ARSB: variants seen among roughly 807,000 people sequenced by gnomAD.
The protein encoded by ARSB is arylsulfatase B, also known as N-acetylgalactosamine-4-sulfatase.
ARSB carries 41 observed loss-of-function variants against 50.9 expected under a neutral mutation model. The ratio of observed to expected loss-of-function variants is 0.81; its 90% CI spans 0.63 to 1.04. The LOEUF is 1.04. Among genes scored for constraint, ARSB ranks in the 50% least tolerant of loss-of-function variants. The probability of loss-of-function intolerance (pLI) is 0.00; values close to 1 mark genes in which losing one functional copy is unlikely to be tolerated. For synonymous variants in ARSB, 269 were observed against 284.8 expected, an observed-to-expected ratio of 0.94 and a Z score of 0.56; for missense variants, 672 against 693.3, an observed-to-expected ratio of 0.97 and a Z score of 0.35.
intron 1 of ARSB, among the ~76,000 whole-genome samples, chr5:78,982,287 T>C (rs1003636152): frequency 7.9e-5 from 12 of 152,246 alleles, no homozygotes; most frequent in African/African-American, 2.7e-4. Context: ...ATTCCTTCAT[T>C]TTATTGTCTA....
chr5:78,966,729 C>A (rs7722223), intron 2 of ARSB, among the ~76,000 whole-genome samples: 122,982 of 152,076 alleles, frequency 0.81, 49,947 homozygotes, highest in African/African-American at 0.84. Context: ...TTTTAATAAA[C>A]AATTCAAAAT....
At chr5:78,822,389 G>A (rs1341034226) in intron 6 of ARSB, among the ~76,000 whole-genome samples, 1 of 151,960 alleles carries the variant, frequency 6.6e-6, no homozygotes, top group African/African-American at 2.4e-5. Flanking sequence ...ATTAACTACA[G>A]ACCCAAGTCC....
chr5:78,853,871 G>A (rs946094995), intron 5 of ARSB, among the ~76,000 whole-genome samples: 9 of 152,262 alleles, frequency 5.9e-5, no homozygotes, highest in Non-Finnish European at 1.0e-4. Context: ...GCCAGGTGCG[G>A]GATATAATCT....
chr5:78,920,826 T>G (rs1749776678), intron 4 of ARSB, among the ~76,000 whole-genome samples: 1 of 152,182 alleles, frequency 6.6e-6, no homozygotes, highest in Admixed American at 6.5e-5. Flanking sequence ...CTGCTTCCTC[T>G]GCAGCCTTGT....
intron 6 of ARSB, among the ~76,000 whole-genome samples, chr5:78,818,786 T>C (rs1744103076): frequency 6.6e-6 from 1 of 152,086 alleles, no homozygotes; most frequent in Non-Finnish European, 1.5e-5. Flanking sequence ...AGGGACATGC[T>C]TTTCAAGTGT....
intron 5 of ARSB, among the ~76,000 whole-genome samples, chr5:78,860,040 C>T (rs1746351004): frequency 6.6e-6 from 1 of 152,140 alleles, no homozygotes; most frequent in Admixed American, 6.5e-5. Context: ...TAGATACTTC[C>T]AACTATGTTG....
At chr5:78,835,384 G>A (rs1198903882) in intron 6 of ARSB, among the ~76,000 whole-genome samples, 1 of 152,128 alleles carries the variant, frequency 6.6e-6, no homozygotes, top group African/African-American at 2.4e-5. Flanking sequence ...GTGGTGCTAG[G>A]CAGAGGGCAG....
At chr5:78,873,614 G>A (rs1415158154) in intron 5 of ARSB, among the ~76,000 whole-genome samples, 1 of 142,868 alleles carries the variant, frequency 7.0e-6, no homozygotes, top group Non-Finnish European at 1.5e-5. Flanking sequence ...TCCTGCCTCA[G>A]CCTCCCAAGG....
chr5:78,945,538 C>T (rs991143249), intron 4 of ARSB, among the ~76,000 whole-genome samples: 1 of 152,124 alleles, frequency 6.6e-6, no homozygotes, highest in Non-Finnish European at 1.5e-5. Flanking sequence ...CCTAAAAGGT[C>T]GGCCTGCTTC....
intron 6 of ARSB, among the ~76,000 whole-genome samples, chr5:78,784,181 C>CTTTA (rs1749017943): frequency 6.6e-6 from 1 of 152,128 alleles, no homozygotes; most frequent in Admixed American, 6.5e-5. Context: ...ATATATAGCA[C>CTTTA]TGTTTTATGC....
chr5:78,984,477 A>C (rs1707615395), intron 1 of ARSB, among the ~76,000 whole-genome samples: 1 of 152,120 alleles, frequency 6.6e-6, no homozygotes, highest in South Asian at 2.1e-4. Flanking sequence ...CTTTGGTGGG[A>C]CACTCCTAAC....
At chr5:78,863,573 C>T (rs933544010) in intron 5 of ARSB, among the ~76,000 whole-genome samples, 9 of 97,828 alleles carry the variant, frequency 9.2e-5, no homozygotes, top group South Asian at 3.1e-4. Flanking sequence ...CACTTGGACA[C>T]GGGGCGGGGA....
intron 6 of ARSB, among the ~76,000 whole-genome samples, chr5:78,789,975 G>A (rs895756390): frequency 9.2e-5 from 14 of 152,190 alleles, no homozygotes; most frequent in African/African-American, 3.4e-4. Context: ...GCAAGGGCTT[G>A]GCAGGGTGGT....
At chr5:78,931,853 A>C (rs1316658854) in intron 4 of ARSB, among the ~76,000 whole-genome samples, 1 of 152,064 alleles carries the variant, frequency 6.6e-6, no homozygotes, top group Non-Finnish European at 1.5e-5. Context: ...CATGCTGTTC[A>C]CATGATAGTG....
At chr5:78,882,071 G>A (rs1208225277) in intron 5 of ARSB, among the ~76,000 whole-genome samples, 3 of 152,228 alleles carry the variant, frequency 2.0e-5, no homozygotes, top group Non-Finnish European at 4.4e-5. Context: ...GGCCTCTCTG[G>A]GCATGCATTC....
At position 78,977,168 on chromosome 5, in the gene ARSB, C is replaced by A. The variant is rs541503526; in HGVS notation, c.312+7769G>T. ...ATTTCTTTCTTTCCCCACTTCCCCC[C>A]CGCGAGATGGAGTCTTGCTCTGTTG... is the stretch of plus-strand genomic sequence containing the variant. On this transcript the variant is annotated intron_variant, in intron 1 of 7. Transcript: ENST00000264914. Among the ~76,000 whole-genome samples, 64 of 143,918 alleles carry A rather than the reference C, an allele frequency of 4.4e-4. 1 individual carries two copies. Among genetic ancestry groups the A allele is most frequent in the Non-Finnish European group, 2.2e-4 (15 of 67,340 alleles). 94.4% of individuals were successfully genotyped at this position (143,918 alleles called of 152,430 possible).
intron 6 of ARSB, among the ~76,000 whole-genome samples, chr5:78,800,610 T>G (rs1743351311): frequency 6.6e-6 from 1 of 152,192 alleles, no homozygotes; most frequent in African/African-American, 2.4e-5. Flanking sequence ...AACATTAAAT[T>G]AATTAATAAT....
At chr5:78,851,646 T>C (rs1041760510) in intron 5 of ARSB, among the ~76,000 whole-genome samples, 1 of 152,208 alleles carries the variant, frequency 6.6e-6, no homozygotes, top group African/African-American at 2.4e-5. Context: ...ATCTGTTTAA[T>C]GTTGATAGTG....
intron 6 of ARSB, among the ~76,000 whole-genome samples, chr5:78,832,765 A>C (rs1016721636): frequency 6.6e-6 from 1 of 152,192 alleles, no homozygotes; most frequent in African/African-American, 2.4e-5. Flanking sequence ...AAATAGTAAC[A>C]AAGCTGTATG....
Sources: gnomAD v4.1 joint callset for allele counts (sites outside exome capture counted in the v4.1 genomes callset) on GRCh38, gnomAD v4.1.1 for gene constraint, MANE v1.5 for transcripts, NCBI Gene and HGNC (gene_info 2026-07-23, HGNC 2026-07-21) for gene names.